Variants in AGBL4 observed in about 807,000 individuals in gnomAD.
AGBL4 encodes cytosolic carboxypeptidase 6.
In AGBL4, 58 loss-of-function variants were observed where a neutral mutation model predicts 66.4. The ratio of observed to expected loss-of-function variants is 0.87; its 90% CI spans 0.71 to 1.09. The LOEUF (loss-of-function observed/expected upper bound fraction) is 1.09. Ranked by LOEUF, AGBL4 falls within the 50% of genes least tolerant of loss-of-function variation. The pLI is 0.00. For missense variants in AGBL4, 579 were observed against 631.0 expected (o/e 0.92, Z 0.88); for synonymous variants, 234 against 222.9 (o/e 1.05, Z -0.44).
intron 3 of AGBL4, among the ~76,000 whole-genome samples, chr1:49,434,848 G>A (rs889134443): frequency 2.0e-5 from 3 of 152,142 alleles, no homozygotes; most frequent in African/African-American, 7.2e-5. Context: ...AGGCACAAAG[G>A]TGATGGGAAG....
At chr1:48,846,313 CAGAT>C (rs746654355) in intron 6 of AGBL4, among the ~76,000 whole-genome samples, 21 of 129,216 alleles carry the variant, frequency 1.6e-4, no homozygotes, top group Non-Finnish European at 2.0e-4. Flanking sequence ...GATAGATAGA[CAGAT>C]AGATAGATCG....
intron 1 of AGBL4, among the ~76,000 whole-genome samples, chr1:49,990,360 G>C (rs1442693427): frequency 6.6e-6 from 1 of 152,146 alleles, no homozygotes; most frequent in Non-Finnish European, 1.5e-5. Context: ...ATAATAGTGA[G>C]TGAGTTCTCA....
At chr1:49,357,969 C>CT (rs1403890054) in intron 3 of AGBL4, among the ~76,000 whole-genome samples, 2 of 152,164 alleles carry the variant, frequency 1.3e-5, no homozygotes, top group Non-Finnish European at 2.9e-5. Flanking sequence ...AGGCTCATCT[C>CT]TCTCACCCAT....
At chr1:49,900,061 A>G (rs1252549363) in intron 1 of AGBL4, among the ~76,000 whole-genome samples, 1 of 151,976 alleles carries the variant, frequency 6.6e-6, no homozygotes, top group African/African-American at 2.4e-5. Flanking sequence ...AGTTTGCTCA[A>G]TAATTGGGTA....
intron 5 of AGBL4, among the ~76,000 whole-genome samples, chr1:48,986,727 C>T (rs1289992531): frequency 6.6e-6 from 1 of 151,906 alleles, no homozygotes; most frequent in African/African-American, 2.4e-5. Context: ...ATGTATCTAC[C>T]ACATTAAAAG....
chr1:49,377,410 T>C (rs1644493971), intron 3 of AGBL4, among the ~76,000 whole-genome samples: 1 of 152,120 alleles, frequency 6.6e-6, no homozygotes, highest in Non-Finnish European at 1.5e-5. Context: ...AAGTAACTTA[T>C]TCATGGACAC....
intron 4 of AGBL4, among the ~76,000 whole-genome samples, chr1:49,077,418 A>G (rs1644731819): frequency 6.6e-6 from 1 of 152,154 alleles, no homozygotes; most frequent in South Asian, 2.1e-4. Context: ...TTGAAATCCA[A>G]TTCCACTTAC....
chr1:49,536,211 G>C (rs182236369), intron 3 of AGBL4, among the ~76,000 whole-genome samples: 1 of 152,248 alleles, frequency 6.6e-6, no homozygotes, highest in East Asian at 1.9e-4. Context: ...AGAACAATGA[G>C]TACTTTAGCA....
chr1:49,647,470 G>T (rs1316055568), intron 3 of AGBL4, among the ~76,000 whole-genome samples: 1 of 152,054 alleles, frequency 6.6e-6, no homozygotes, highest in East Asian at 1.9e-4. Context: ...AATTGCTGGA[G>T]AATTGGTTTG....
chr1:49,771,275 A>T (rs1644049046), intron 2 of AGBL4, among the ~76,000 whole-genome samples: 1 of 152,160 alleles, frequency 6.6e-6, no homozygotes, highest in African/African-American at 2.4e-5. Context: ...ATTTGGAGGC[A>T]CGTTGTTTAA....
At chr1:49,339,614 G>A (rs561833224) in intron 3 of AGBL4, among the ~76,000 whole-genome samples, 55 of 152,290 alleles carry the variant, frequency 3.6e-4, no homozygotes, top group Admixed American at 1.8e-3. Flanking sequence ...GGCTCATCAA[G>A]ATCATTTAGT....
chr1:48,775,485 A>T (rs1645033378), intron 6 of AGBL4, among the ~76,000 whole-genome samples: 2 of 152,210 alleles, frequency 1.3e-5, no homozygotes, highest in Non-Finnish European at 2.9e-5. Context: ...TCAGTCACTA[A>T]CCCTTCGTGT....
intron 1 of AGBL4, among the ~76,000 whole-genome samples, chr1:49,962,449 C>G (rs1002662597): frequency 6.6e-6 from 1 of 152,088 alleles, no homozygotes; most frequent in Admixed American, 6.6e-5. Context: ...CTAATGGCAT[C>G]ATTTCATCAA....
chr1:49,385,278 A>T (rs1342119449), intron 3 of AGBL4, among the ~76,000 whole-genome samples: 1 of 152,138 alleles, frequency 6.6e-6, no homozygotes, highest in Non-Finnish European at 1.5e-5. Flanking sequence ...AATGGTTAGG[A>T]CGGTAAATTT....
intron 3 of AGBL4, among the ~76,000 whole-genome samples, chr1:49,291,716 G>A (rs1438801802): frequency 1.3e-5 from 2 of 152,202 alleles, no homozygotes; most frequent in Non-Finnish European, 1.5e-5. Flanking sequence ...TCATGGTAAC[G>A]CTAGTGATGG....
rs373023014 is a variant in AGBL4, at chr1:49,257,136, C to A, written c.283-11272G>T. 2.6e-5 allele frequency among the ~76,000 whole-genome samples: 4 copies of A among 151,664 alleles called. 1 individual carries two copies. Among genetic ancestry groups the A allele is most frequent in the African/African-American group, 9.7e-5 (4 of 41,350 alleles). ...AAAAAAAATACTATGCAAAACGATA[C>A]CACAGAAAAATGAAAATGAAAGTCA... On this transcript the variant is annotated intron_variant, in intron 3 of 13. Transcript: ENST00000371839.
intron 3 of AGBL4, among the ~76,000 whole-genome samples, chr1:49,460,787 T>C (rs1646494773): frequency 6.6e-6 from 1 of 151,764 alleles, no homozygotes; most frequent in African/African-American, 2.4e-5. Flanking sequence ...CTTGTAGTGC[T>C]GTCTTGGGAG....
chr1:49,787,037 A>T lies in AGBL4; in HGVS notation c.157+64359T>A, dbSNP rs1286738116. 1.1e-4 allele frequency among the ~76,000 whole-genome samples: 17 copies of T among 152,306 alleles called. No homozygotes were observed. The East Asian group carries it at 3.3e-3, about 29-fold the overall frequency. On this transcript the variant is annotated intron_variant, in intron 2 of 13. Coordinates refer to ENST00000371839, the MANE Select transcript of AGBL4 (RefSeq NM_032785.4). ...TCTATAGTTCCTTCAATACTGTACA[A>T]GATTCCACTGACACGCTCCCTAAGT...
At chr1:49,349,848 T>C (rs1022200937) in intron 3 of AGBL4, among the ~76,000 whole-genome samples, 1 of 152,150 alleles carries the variant, frequency 6.6e-6, no homozygotes, top group Admixed American at 6.5e-5. Context: ...CTGGTGTTCT[T>C]ATAAGAAAAT....
Sources: gnomAD v4.1 joint callset for allele counts (sites outside exome capture counted in the v4.1 genomes callset) on GRCh38, gnomAD v4.1.1 for gene constraint, MANE v1.5 for transcripts, NCBI Gene and HGNC (gene_info 2026-07-23, HGNC 2026-07-21) for gene names.